The following STX18 variants were observed in gnomAD, a reference collection of about 807,000 sequenced individuals.
STX18 encodes syntaxin 18.
A neutral mutation model predicts 50.1 loss-of-function variants in STX18; 40 were observed. That is an observed-to-expected ratio of 0.80 (90% CI 0.62 to 1.04). The LOEUF (loss-of-function observed/expected upper bound fraction) is 1.04. STX18 is among the 50% of genes least tolerant of loss of function. The pLI is 0.00. For synonymous variants in STX18, 158 were observed against 151.8 expected (o/e 1.04, Z -0.30); for missense variants, 410 against 415.8 (o/e 0.99, Z 0.12).
chr4:4,499,787 G>T (rs1234409264), intron 1 of STX18, among the ~76,000 whole-genome samples: 1 of 152,050 alleles, frequency 6.6e-6, no homozygotes, highest in African/African-American at 2.4e-5. Context: ...CTAACTAGTA[G>T]GCACTCCAAA....
chr4:4,514,576 G>T (rs1375589069), intron 1 of STX18, among the ~76,000 whole-genome samples: 1 of 152,206 alleles, frequency 6.6e-6, no homozygotes, highest in African/African-American at 2.4e-5. Context: ...GCAAGTGCCT[G>T]TCACAAGCCA....
In STX18 at chr4:4,437,507, T is replaced by C. The variant is rs188834800; in HGVS notation, c.613+887A>G. 1.5e-5 allele frequency: 9 copies of C among 582,288 alleles called. No individual in the cohort carries two copies. In the African/African-American group the frequency reaches 1.6e-4, roughly 10 times the overall value. The allele number at this position is 582,288 out of a possible 1,614,324, so 36.1% of individuals were successfully genotyped here. A position where few individuals can be genotyped will look rare whatever the true frequency, so the allele number is the denominator to read the frequency against. ...TCAACTGGTAAGGACAATGCAAATA[T>C]GCAAAAATTTGAAAAAACCCTAAAT... On this transcript the variant is annotated intron_variant, in intron 6 of 10. Transcript: ENST00000306200.
chr4:4,502,604 G>A (rs1729507428), intron 1 of STX18, among the ~76,000 whole-genome samples: 1 of 152,116 alleles, frequency 6.6e-6, no homozygotes, highest in Non-Finnish European at 1.5e-5. Context: ...CTTACTGGAT[G>A]CCTTGAGTTG....
chr4:4,522,467 A>G (rs1293498795), intron 1 of STX18, among the ~76,000 whole-genome samples: 1 of 152,246 alleles, frequency 6.6e-6, no homozygotes, highest in Non-Finnish European at 1.5e-5. Flanking sequence ...AAATGAAAGA[A>G]GAAGACAGTA....
intron 5 of STX18, 52 bp downstream of exon 5, chr4:4,457,136 CTAT>C: frequency 6.7e-7 from 1 of 1,485,558 alleles, no homozygotes; most frequent in Non-Finnish European, 9.4e-7. Flanking sequence ...ACTTTAACTG[CTAT>C]TATTAGTAGT....
chr4:4,523,249 C>A (rs141480534), intron 1 of STX18, among the ~76,000 whole-genome samples: 79 of 152,300 alleles, frequency 5.2e-4, no homozygotes, highest in African/African-American at 1.8e-3. Context: ...TCCATAGCTG[C>A]CTCCTCAGAC....
chr4:4,453,666 C>G (rs1357971314), intron 5 of STX18: 1 of 983,356 alleles, frequency 1.0e-6, no homozygotes, highest in African/African-American at 1.7e-5. Context: ...ATGCCTCCAG[C>G]AAAGGCTCTG....
At chr4:4,427,818 G>T (rs1725329855) in intron 7 of STX18, among the ~76,000 whole-genome samples, 1 of 152,224 alleles carries the variant, frequency 6.6e-6, no homozygotes, top group Non-Finnish European at 1.5e-5. Flanking sequence ...GCACTCAGGA[G>T]TGGGATCAGA....
upstream of STX18, chr4:4,542,074 G>A (rs1434007740): frequency 4.7e-6 from 6 of 1,263,290 alleles, no homozygotes; most frequent in Non-Finnish European, 6.2e-6. Context: ...GCCTCCCCCC[G>A]GCAACGGCGA....
intron 3 of STX18, 119 bp downstream of exon 3, chr4:4,459,253 C>T (rs1465869082): frequency 2.2e-5 from 16 of 716,556 alleles, no homozygotes; most frequent in Admixed American, 7.4e-5. Flanking sequence ...AAGATTTTAA[C>T]GTTTTAAAAC....
chr4:4,524,580 A>G (rs1434069172), intron 1 of STX18, among the ~76,000 whole-genome samples: 1 of 152,218 alleles, frequency 6.6e-6, no homozygotes, highest in African/African-American at 2.4e-5. Context: ...CAAGTGCTGC[A>G]GCTCAGTGGC....
intron 1 of STX18, chr4:4,507,372 G>A: frequency 1.3e-6 from 1 of 754,714 alleles, no homozygotes; most frequent in Non-Finnish European, 2.5e-6. Context: ...GTGGTGGTCA[G>A]AAAGCTATCA....
intron 1 of STX18, among the ~76,000 whole-genome samples, chr4:4,522,641 G>A (rs955990354): frequency 1.3e-5 from 2 of 152,086 alleles, no homozygotes; most frequent in African/African-American, 4.8e-5. Flanking sequence ...TTCTGAGAAA[G>A]TAAATTTTAA....
chr4:4,485,521 G>A, intron 1 of STX18, among the ~76,000 whole-genome samples: 1 of 152,190 alleles, frequency 6.6e-6, no homozygotes, highest in East Asian at 1.9e-4. Flanking sequence ...CAGAGGAAGT[G>A]GCTGGTTTGA....
At chr4:4,487,236 T>C (rs1187986126) in intron 1 of STX18, among the ~76,000 whole-genome samples, 1 of 152,140 alleles carries the variant, frequency 6.6e-6, no homozygotes, top group Admixed American at 6.5e-5. Context: ...CAGTGGGGGT[T>C]TGTCTGCATG....
intron 1 of STX18, chr4:4,499,616 A>G: frequency 1.3e-6 from 1 of 783,016 alleles, no homozygotes; most frequent in Non-Finnish European, 1.6e-6. Context: ...TCATTATTCA[A>G]TAGCTAATCC....
chr4:4,521,075 C>A (rs891683213), intron 1 of STX18, among the ~76,000 whole-genome samples: 3 of 152,148 alleles, frequency 2.0e-5, no homozygotes, highest in Admixed American at 2.0e-4. Flanking sequence ...TCTAACCCAC[C>A]CCTCCAACCC....
intron 3 of STX18, among the ~76,000 whole-genome samples, chr4:4,459,062 G>GCACACACACACACACACACACACA (rs60704649): frequency 1.4e-5 from 2 of 144,282 alleles, no homozygotes; most frequent in Non-Finnish European, 3.1e-5. Context: ...ACACACACAC[G>GCACACACACACACACACACACACA]CACACACACA....
At chr4:4,451,037 C>G (rs901948714) in intron 5 of STX18, among the ~76,000 whole-genome samples, 5 of 152,050 alleles carry the variant, frequency 3.3e-5, no homozygotes, top group African/African-American at 1.2e-4. Flanking sequence ...TACTAAAGTC[C>G]CCAGGGAAAT....
Sources: allele counts gnomAD v4.1 joint callset (sites outside exome capture counted in the v4.1 genomes callset), GRCh38; gene constraint gnomAD v4.1.1; transcripts MANE v1.5; gene names NCBI Gene and HGNC (gene_info 2026-07-23, HGNC 2026-07-21).